Variants in DQX1 observed in about 807,000 individuals in gnomAD.
DQX1 encodes DEAQ-box RNA dependent ATPase 1, also known as ATP-dependent RNA helicase homolog DQX1.
Under a neutral mutation model 81.3 loss-of-function variants are expected in DQX1, and 66 were observed. The observed-to-expected ratio is 0.81, with a 90% CI of 0.67 to 1.00. The LOEUF is 1.00. Among genes scored for constraint, DQX1 ranks in the 50% least tolerant of loss-of-function variants. The pLI, the probability that DQX1 is intolerant of heterozygous loss-of-function variation, is 0.00. For synonymous variants in DQX1, 290 were observed against 350.0 expected (o/e 0.83, Z 1.91); for missense variants, 798 against 867.9 (o/e 0.92, Z 1.01).
intron 6 of DQX1, 27 bp downstream of exon 6, chr2:74,523,092 T>C: frequency 1.2e-6 from 2 of 1,614,184 alleles, no homozygotes; most frequent in South Asian, 1.1e-5. Context: ...TTGGGTTTTT[T>C]ATTTCAGTGA....
chr2:74,523,488 A>G lies in DQX1; in HGVS notation c.866T>C (p.Leu289Pro). The G allele has an allele frequency of 1.9e-6, 3 of 1,614,028 alleles. No homozygotes were observed. Among genetic ancestry groups the G allele is most frequent in the South Asian group, 2.2e-5 (2 of 91,068 alleles). ...ESLSREVESLLLQGLPPRVLP... is the reference protein window; with the variant it reads ...ESLSREVESLPLQGLPPRVLP... ...TACTCGTGGTGGAAGCCCTTGGAGA[A>G]GCAAGGACTCTACCTCCCTGGACAA... Residue 289 changes from leucine (L) to proline (P), a missense_variant, in exon 5 of 12, where the codon CTT (leucine) becomes CCT (proline). By Grantham distance (98) the Leu-to-Pro change is moderately conservative (BLOSUM62 -3). Transcript: ENST00000404568.
chr2:74,524,236 AC>A lies in DQX1; in HGVS notation c.502del (p.Val168TyrfsTer2). 6.2e-7 allele frequency: 1 copy of A among 1,614,066 alleles called. No homozygotes were observed. Among genetic ancestry groups the A allele is most frequent in the African/African-American group, 1.3e-5 (1 of 74,974 alleles). On this transcript the variant is annotated frameshift_variant, in exon 4 of 12. Transcript: ENST00000404568. LOFTEE classifies it high-confidence loss of function. ...CGACCGCTCCTGAGCCTCATCTAGTACCAGCACGCCCCAGGCTCCAGTGCCT... is the reference window on the plus strand; with the variant it reads ...CGACCGCTCCTGAGCCTCATCTAGTACAGCACGCCCCAGGCTCCAGTGCCT... ...TRGTGAWGVLVLDEAQERSVA... is the reference protein window; with the variant it reads ...TRGTGAWGVLXLDEAQERSVA...
At chr2:74,520,608 GAGGAA>G (rs1250164213) in intron 8 of DQX1, among the ~76,000 whole-genome samples, 1 of 152,160 alleles carries the variant, frequency 6.6e-6, no homozygotes, top group Non-Finnish European at 1.5e-5. Context: ...CTGGAGTACT[GAGGAA>G]AGGAACTGTC....
chr2:74,523,644 G>T, intron 4 of DQX1, 107 bp from the exon 5 acceptor site: 2 of 1,100,742 alleles, frequency 1.8e-6, no homozygotes, highest in Non-Finnish European at 1.3e-6. Context: ...CTGAGAAAAT[G>T]CAAATTACTC....
intron 9 of DQX1, 27 bp from the exon 10 acceptor site, chr2:74,519,773 C>T (rs1250079233): frequency 1.9e-6 from 3 of 1,612,798 alleles, no homozygotes; most frequent in African/African-American, 2.7e-5. Flanking sequence ...ACCAGCTAAA[C>T]TAAAGTCCTT....
chr2:74,519,070 A>G lies in DQX1; in HGVS notation c.1967T>C (p.Leu656Pro), dbSNP rs1330866380. 2 of 1,596,746 alleles carry G rather than the reference A, an allele frequency of 1.3e-6. No homozygotes were observed. The highest frequency in any genetic ancestry group is 2.7e-5 in the African/African-American group (2 of 74,054). ...HNFTISKDNC[L>P]SIVSEIQPQM... is the part of the protein sequence containing the mutation. ...TGGTTGAATCTCAGAAACAATGGAAAGGCAGTTGTCTTTGGATATGGTGAA... is the reference window on the plus strand; with the variant it reads ...TGGTTGAATCTCAGAAACAATGGAAGGGCAGTTGTCTTTGGATATGGTGAA... The change falls in exon 11 of 12, where the codon CTT (leucine) becomes CCT (proline). Residue 656 changes from leucine to proline, a missense_variant. Coordinates refer to ENST00000404568, the MANE Select transcript of DQX1 (RefSeq NM_133637.3).
Position 74,523,531 on chromosome 2 carries a change from A to C in DQX1, c.823T>G (p.Ser275Ala), listed in dbSNP as rs778834235. The C allele has an allele frequency of 6.2e-7, 1 of 1,614,006 alleles. No individual in the cohort carries two copies. Among genetic ancestry groups the C allele is most frequent in the Non-Finnish European group, 8.5e-7 (1 of 1,179,990 alleles). ...CTGGACAAGGATTCACAGCACAGGGAAATTTCCTGAGAAGAAGGGTGGGTG... is the reference window on the plus strand; with the variant it reads ...CTGGACAAGGATTCACAGCACAGGGCAATTTCCTGAGAAGAAGGGTGGGTG... ...LVFLPSEEEISLCCESLSREV... is the reference protein window; with the variant it reads ...LVFLPSEEEIALCCESLSREV... Residue 275 changes from serine (S) to alanine (A), a missense_variant, in exon 5 of 12, where the codon TCC (serine) becomes GCC (alanine). Physicochemically the swap from Ser to Ala is moderately conservative, Grantham distance 99. Transcript: ENST00000404568.
rs762682325 is a variant in DQX1 at position 74,524,119 on chromosome 2, G to A, written c.620C>T (p.Ala207Val). The change falls in exon 4 of 12, where the codon GCC becomes GTC. Residue 207 changes from alanine to valine, a missense_variant. Physicochemically the swap from Ala to Val is moderately conservative, Grantham distance 64. Coordinates refer to ENST00000404568, the MANE Select transcript of DQX1 (RefSeq NM_133637.3). ...GAAAGCTCGGAGCTTAGGTTCAAGG[G>A]CTGGGTCAGTAACCACAACCACTCT... ...DLRVVVVTDPALEPKLRAFWG... is the reference protein window; with the variant it reads ...DLRVVVVTDPVLEPKLRAFWG... 1.2e-6 allele frequency: 2 copies of A among 1,614,162 alleles called. No homozygotes were observed. The highest frequency in any genetic ancestry group is 1.7e-6 in the Non-Finnish European group (2 of 1,180,018).
chr2:74,525,780 A>G lies in DQX1; in HGVS notation c.-19-32T>C. 1 of 1,467,718 alleles carries G rather than the reference A, an allele frequency of 6.8e-7. No individual in the cohort carries two copies. The highest frequency in any genetic ancestry group is 9.3e-7 in the Non-Finnish European group (1 of 1,078,886). The allele number at this position is 1,467,718 out of a possible 1,614,324, so 90.9% of individuals were successfully genotyped here. A position where few individuals can be genotyped will look rare whatever the true frequency, so the allele number is the denominator to read the frequency against. On this transcript the variant is annotated intron_variant, in intron 1 of 11. Transcript: ENST00000404568. The surrounding 1 kb of genome is among the most constrained non-coding windows in gnomAD (Gnocchi z 4.1). ...AAGGCAGAGCAGCCAGTAAGGTCATATTTGGTGACCGACACCATCTTCCCA... is the reference window on the plus strand; with the variant it reads ...AAGGCAGAGCAGCCAGTAAGGTCATGTTTGGTGACCGACACCATCTTCCCA...
Position 74,525,230 on chromosome 2 carries a change from A to G in DQX1, c.238-28T>C. ...GGGATAGAAGTAGGGAAGGAGAGCC[A>G]GTGAGGAAGATGTAGGACTTCAGTC... is the stretch of plus-strand genomic sequence containing the variant. On this transcript the variant is annotated intron_variant, in intron 2 of 11. Transcript: ENST00000404568. The surrounding 1 kb of genome is among the most constrained non-coding windows in gnomAD (Gnocchi z 4.1). 6.7e-7 allele frequency: 1 copy of G among 1,499,776 alleles called. No individual in the cohort carries two copies. The allele number at this position is 1,499,776 out of a possible 1,614,324, so 92.9% of individuals were successfully genotyped here. A position where few individuals can be genotyped will look rare whatever the true frequency, so the allele number is the denominator to read the frequency against.
rs756876809 is a variant in DQX1 at position 74,523,178 on chromosome 2, C to T, written c.1085G>A (p.Arg362Lys). The change falls in exon 6 of 12, where the codon AGG (arginine) becomes AAG (lysine). Residue 362 changes from arginine to lysine, a missense_variant. By Grantham distance (26) the Arg-to-Lys change is conservative. Transcript: ENST00000404568. ...PRIRAEFQVL[R>K]PISKCQAEAR... ...CTCTGCCTGACACTTGCTGATTGGC[C>T]TCAACACTTGGAATTCTGCTCGGAT... 1.9e-6 allele frequency: 3 copies of T among 1,614,178 alleles called. No homozygotes were observed. The highest frequency in any genetic ancestry group is 2.2e-5 in the South Asian group (2 of 91,086).
At chr2:74,522,268 G>A (rs1239420667) in intron 8 of DQX1, among the ~76,000 whole-genome samples, 1 of 152,206 alleles carries the variant, frequency 6.6e-6, no homozygotes, top group Non-Finnish European at 1.5e-5. Context: ...CAGTGGGTGA[G>A]CAATACACCA....
Position 74,524,401 on chromosome 2 carries a change from A to G in DQX1, c.432-94T>C, listed in dbSNP as rs1017788983. 13 of 1,488,750 alleles carry G rather than the reference A, an allele frequency of 8.7e-6. No homozygotes were observed. The East Asian group carries it at 3.0e-4, about 34-fold the overall frequency. The allele number at this position is 1,488,750 out of a possible 1,614,324, so 92.2% of individuals were successfully genotyped here. A position where few individuals can be genotyped will look rare whatever the true frequency, so the allele number is the denominator to read the frequency against. The stretch of plus-strand genomic sequence containing the variant: ...TTCTCCCCAAGGGACGTATATTTTG[A>G]TATTGAAGGTCAGAAAAATATGCTG... On this transcript the variant is annotated intron_variant, in intron 3 of 11. Coordinates refer to ENST00000404568, the MANE Select transcript of DQX1 (RefSeq NM_133637.3).
rs2104340654 is a variant in DQX1 at position 74,523,534 on chromosome 2, T to G, written c.820A>C (p.Ile274Leu). 6.2e-7 allele frequency: 1 copy of G among 1,613,980 alleles called. No homozygotes were observed. The highest frequency in any genetic ancestry group is 2.2e-5 in the East Asian group (1 of 44,888). ...VLVFLPSEEE[I>L]SLCCESLSRE... ...GACAAGGATTCACAGCACAGGGAAA[T>G]TTCCTGAGAAGAAGGGTGGGTGGGG... Residue 274 changes from isoleucine to leucine, a missense_variant, in exon 5 of 12, where the codon ATT (isoleucine) becomes CTT (leucine). Transcript: ENST00000404568.
chr2:74,521,042 G>A (rs2104336121), intron 8 of DQX1, among the ~76,000 whole-genome samples: 1 of 152,292 alleles, frequency 6.6e-6, no homozygotes, highest in Admixed American at 6.5e-5. Flanking sequence ...GGAGGCTACT[G>A]AGGAAAACCA....
At chr2:74,520,470 C>T (rs570385638) in intron 8 of DQX1, among the ~76,000 whole-genome samples, 8 of 152,080 alleles carry the variant, frequency 5.3e-5, no homozygotes, top group Admixed American at 3.3e-4. Flanking sequence ...CAGCATGGCA[C>T]GTAAGTTAAT....
rs770719214 is a variant in DQX1 at position 74,525,078 on chromosome 2, A to T, written c.362T>A (p.Leu121Gln). Residue 121 changes from leucine (L) to glutamine (Q), a missense_variant, in exon 3 of 12, where the codon CTG becomes CAG. Physicochemically the swap from Leu to Gln is moderately radical, Grantham distance 113. Coordinates refer to ENST00000404568, the MANE Select transcript of DQX1 (RefSeq NM_133637.3). The surrounding 1 kb of genome is among the most constrained non-coding windows in gnomAD (Gnocchi z 4.1). Reference sequence around the variant, plus strand: ...GTATCCAACCTCATGACCCAGGGTCAGGTCCATCTCATCAGCAACCCGCAG... The same window carrying T: ...GTATCCAACCTCATGACCCAGGGTCTGGTCCATCTCATCAGCAACCCGCAG... ...LALRVADEMD[L>Q]TLGHEVGYSI... 1.1e-5 allele frequency: 17 copies of T among 1,614,156 alleles called. No individual in the cohort carries two copies. In the Middle Eastern group the frequency reaches 1.3e-3, roughly 125 times the overall value.
chr2:74,525,142 C>T lies in DQX1; in HGVS notation c.298G>A (p.Val100Ile). The change falls in exon 3 of 12, where the codon GTT (valine) becomes ATT (isoleucine). Residue 100 changes from valine (V) to isoleucine (I), a missense_variant. Transcript: ENST00000404568. The surrounding 1 kb of genome is among the most constrained non-coding windows in gnomAD (Gnocchi z 4.1). ...ARGFQKGQVTVTQPYPLAARS... is the reference protein window; with the variant it reads ...ARGFQKGQVTITQPYPLAARS... ...GCTGCAAGAGGGTAGGGCTGAGTAACAGTAACCTGTCCTTTCTGGAACCCT... is the reference window on the plus strand; with the variant it reads ...GCTGCAAGAGGGTAGGGCTGAGTAATAGTAACCTGTCCTTTCTGGAACCCT... 1.2e-6 allele frequency: 2 copies of T among 1,613,144 alleles called. No homozygotes were observed. The highest frequency in any genetic ancestry group is 1.3e-5 in the African/African-American group (1 of 75,012).
Position 74,525,005 on chromosome 2 carries a change from C to G in DQX1, c.431+4G>C, listed in dbSNP as rs1675133531. The G allele has an allele frequency of 6.2e-7, 1 of 1,611,496 alleles. No individual in the cohort carries two copies. The highest frequency in any genetic ancestry group is 1.3e-5 in the African/African-American group (1 of 74,958). On this transcript the variant is annotated splice_donor_region_variant and intron_variant, in intron 3 of 11. Coordinates refer to ENST00000404568, the MANE Select transcript of DQX1 (RefSeq NM_133637.3). The surrounding 1 kb of genome is among the most constrained non-coding windows in gnomAD (Gnocchi z 4.1). ...ATTCGGGTAAGGCCTGCAGAGGCCC[C>G]CACCTGAGCAGGGTGTTGGGCCCCG... is the stretch of plus-strand genomic sequence containing the variant.
Sources: allele counts gnomAD v4.1 joint callset (sites outside exome capture counted in the v4.1 genomes callset), GRCh38; gene constraint gnomAD v4.1.1; non-coding constraint Gnocchi (gnomAD v3.1); transcripts MANE v1.5; gene names NCBI Gene and HGNC (gene_info 2026-07-23, HGNC 2026-07-21).